The following PLCE1 variants were observed in gnomAD, a reference collection of about 807,000 sequenced individuals.
PLCE1 encodes phospholipase C epsilon 1, also known as 1-phosphatidylinositol 4,5-bisphosphate phosphodiesterase epsilon-1.
Under a neutral mutation model 242.8 loss-of-function variants are expected in PLCE1, and 119 were observed. The ratio of observed to expected loss-of-function variants is 0.49; its 90% CI spans 0.42 to 0.57. The LOEUF (loss-of-function observed/expected upper bound fraction) is 0.57. Among genes scored for constraint, PLCE1 ranks in the 20% least tolerant of loss-of-function variants. The pLI is 0.00. For missense variants in PLCE1, 2,441 were observed against 2,788.8 expected (o/e 0.88, Z 2.81); for synonymous variants, 945 against 1,017.4 (o/e 0.93, Z 1.35).
chr10:94,191,715 A>T (rs1258160631), intron 4 of PLCE1, among the ~76,000 whole-genome samples: 1 of 152,214 alleles, frequency 6.6e-6, no homozygotes, highest in Non-Finnish European at 1.5e-5. Context: ...GATGGTCAAG[A>T]CAGGTACATT....
chr10:94,076,115 TTG>T (rs10571626), intron 2 of PLCE1, among the ~76,000 whole-genome samples: 1 of 150,836 alleles, frequency 6.6e-6, no homozygotes, highest in East Asian at 2.0e-4. Flanking sequence ...GTGTGTGTGT[TTG>T]TGTGTGTGTG....
intron 4 of PLCE1, among the ~76,000 whole-genome samples, chr10:94,180,174 C>T (rs1411343578): frequency 3.3e-5 from 5 of 152,102 alleles, no homozygotes; most frequent in Non-Finnish European, 7.3e-5. Flanking sequence ...GAGGGACCTT[C>T]TTTCCACCAC....
At chr10:94,310,550 G>A (rs2053356291) in intron 27 of PLCE1, among the ~76,000 whole-genome samples, 1 of 152,142 alleles carries the variant, frequency 6.6e-6, no homozygotes, top group Non-Finnish European at 1.5e-5. Flanking sequence ...AGTGGAGGGA[G>A]GTGTGGCTTC....
chr10:94,245,710 C>T (rs546836252), intron 7 of PLCE1, among the ~76,000 whole-genome samples: 1 of 152,320 alleles, frequency 6.6e-6, no homozygotes, highest in African/African-American at 2.4e-5. Flanking sequence ...TGGTCTTGAT[C>T]TACTGGACTC....
chr10:94,083,650 T>C (rs930603421), intron 2 of PLCE1, among the ~76,000 whole-genome samples: 1 of 152,234 alleles, frequency 6.6e-6, no homozygotes, highest in Non-Finnish European at 1.5e-5. Context: ...CTGTTAGGTA[T>C]AGTGTGTGCT....
chr10:94,025,173 G>T (rs1172155448), intron 1 of PLCE1, among the ~76,000 whole-genome samples: 2 of 152,024 alleles, frequency 1.3e-5, no homozygotes, highest in African/African-American at 2.4e-5. Flanking sequence ...AAGAAAGAGG[G>T]GCAGGAAAAG....
chr10:94,148,877 C>T (rs948302321), intron 3 of PLCE1, among the ~76,000 whole-genome samples: 5 of 152,156 alleles, frequency 3.3e-5, no homozygotes, highest in Admixed American at 2.0e-4. Context: ...TTATTCTCTT[C>T]CTTGCTTCTG....
Position 94,298,659 on chromosome 10 carries a change from C to T in PLCE1, c.5448C>T (p.Tyr1816=), listed in dbSNP as rs777991557. The stretch of plus-strand genomic sequence containing the variant: ...GGATACAGCTTGTGGCACTCAACTA[C>T]CAGACTGATGGTAAGGGGCCTGCAT... The part of the protein sequence containing the change: ...LHGIQLVALN[Y]QTDDLPLHLN... Residue 1816 remains tyrosine (Y), a synonymous_variant, in exon 24 of 33, where the codon TAC becomes TAT. Transcript: ENST00000371380. This position sits in a 1 kb window ranked among gnomAD's most constrained non-coding sequence, Gnocchi z 5.2. 4.3e-6 allele frequency: 7 copies of T among 1,613,996 alleles called. No homozygotes were observed. Among genetic ancestry groups the T allele is most frequent in the Non-Finnish European group, 2.5e-6 (3 of 1,180,010 alleles).
At chr10:94,263,311 C>G (rs1160193284) in intron 14 of PLCE1, among the ~76,000 whole-genome samples, 1 of 151,282 alleles carries the variant, frequency 6.6e-6, no homozygotes, top group Admixed American at 6.6e-5. Context: ...ATCAGGAGTT[C>G]AAGACCAGTC....
chr10:94,234,185 A>T lies in PLCE1; in HGVS notation c.2087A>T (p.His696Leu), dbSNP rs375465343. The stretch of plus-strand genomic sequence containing the variant: ...AGAAAGGTGGTGACACGTGCCCTGC[A>T]CATCCCTGGCTGTAAGGTGGTTCCA... ...EYRKVVTRALHIPGCKVVPFC... is the reference protein window; with the variant it reads ...EYRKVVTRALLIPGCKVVPFC... Residue 696 changes from histidine (H) to leucine (L), a missense_variant, in exon 6 of 33, where the codon CAC becomes CTC. Physicochemically the swap from His to Leu is moderately conservative, Grantham distance 99. Around this residue, in one of 5 missense-constraint regions of PLCE1, gnomAD observed 733 missense variants for 754.2 expected, o/e 0.97. Transcript: ENST00000371380. 2 of 1,614,208 alleles carry T rather than the reference A, an allele frequency of 1.2e-6. 1 individual carries two copies. Among genetic ancestry groups the T allele is most frequent in the South Asian group, 2.2e-5 (2 of 91,084 alleles).
Position 94,284,917 on chromosome 10 carries a change from C to T in PLCE1, c.4987C>T (p.Pro1663Ser), listed in dbSNP as rs41291138. 1 of 1,611,628 alleles carries T rather than the reference C, an allele frequency of 6.2e-7. No individual in the cohort carries two copies. Among genetic ancestry groups the T allele is most frequent in the African/African-American group, 1.3e-5 (1 of 74,966 alleles). ...QNKKESRQIA[P>S]ELSDLVIYCQ... Reference sequence around the variant, plus strand: ...TAAAAAGGAAAGCAGACAGATTGCACCAGAGCTTTCTGACCTTGTAATCTA... The same window carrying T: ...TAAAAAGGAAAGCAGACAGATTGCATCAGAGCTTTCTGACCTTGTAATCTA... The change falls in exon 22 of 33, where the codon CCA becomes TCA. Residue 1663 changes from proline (P) to serine (S), a missense_variant. Coordinates refer to ENST00000371380, the MANE Select transcript of PLCE1 (RefSeq NM_016341.4).
intron 1 of PLCE1, among the ~76,000 whole-genome samples, chr10:94,030,361 A>G (rs777477447): frequency 6.7e-6 from 1 of 148,516 alleles, no homozygotes; most frequent in Admixed American, 6.7e-5. Flanking sequence ...TATAGGGCTC[A>G]CTTCTTTTTT....
chr10:94,143,560 C>A (rs1005242010), intron 3 of PLCE1, among the ~76,000 whole-genome samples: 3 of 152,028 alleles, frequency 2.0e-5, no homozygotes, highest in Non-Finnish European at 2.9e-5. Context: ...GGGTCAGTAG[C>A]AAATACTTAA....
At chr10:94,095,320 ATTTCTTTCTTTC>A (rs200671940) in intron 2 of PLCE1, among the ~76,000 whole-genome samples, 17 of 117,532 alleles carry the variant, frequency 1.4e-4, no homozygotes, top group Non-Finnish European at 2.2e-4. Context: ...GGGCCTTTCA[ATTTCTTTCTTTC>A]TTTCTTTCTT....
At chr10:94,048,431 T>C (rs2043660534) in intron 2 of PLCE1, among the ~76,000 whole-genome samples, 1 of 152,054 alleles carries the variant, frequency 6.6e-6, no homozygotes, top group African/African-American at 2.4e-5. Context: ...TCTTTGGATC[T>C]ACACTCTCTC....
chr10:94,265,937 C>T lies in PLCE1; in HGVS notation c.4260C>T (p.Ser1420=), dbSNP rs1171167093. 2 of 1,614,016 alleles carry T rather than the reference C, an allele frequency of 1.2e-6. No homozygotes were observed. Among genetic ancestry groups the T allele is most frequent in the Non-Finnish European group, 1.7e-6 (2 of 1,179,950 alleles). Reference sequence around the variant, plus strand: ...CGGGCCATCAGCTCAAAGGAGAATCCTCGGTAGAACTCTACAGCCAGGTAC... The same window carrying T: ...CGGGCCATCAGCTCAAAGGAGAATCTTCGGTAGAACTCTACAGCCAGGTAC... ...YLTGHQLKGE[S]SVELYSQVLL... is the part of the protein sequence containing the mutation. Residue 1420 remains serine, a synonymous_variant, in exon 16 of 33, where the codon TCC becomes TCT. Coordinates refer to ENST00000371380, the MANE Select transcript of PLCE1 (RefSeq NM_016341.4).
chr10:94,097,490 G>A (rs572537285), intron 2 of PLCE1, among the ~76,000 whole-genome samples: 5 of 152,292 alleles, frequency 3.3e-5, no homozygotes, highest in African/African-American at 9.6e-5. Context: ...CCAGGATGTA[G>A]AGTAGACAGA....
rs117935531 is a variant in PLCE1 at position 94,073,449 on chromosome 10, C to G, written c.1206+41197C>G. Among the ~76,000 whole-genome samples, 71 of 152,178 alleles carry G rather than the reference C, an allele frequency of 4.7e-4. No individual in the cohort carries two copies. In the East Asian group the frequency reaches 0.013, roughly 28 times the overall value. Reference sequence around the variant, plus strand: ...GGGCTTGAGTTAGACCTAGAGGGGTCTGTAGAAGGAGGTCAGACAGGGAAA... The same window carrying G: ...GGGCTTGAGTTAGACCTAGAGGGGTGTGTAGAAGGAGGTCAGACAGGGAAA... On this transcript the variant is annotated intron_variant, in intron 2 of 32. Transcript: ENST00000371380.
intron 2 of PLCE1, among the ~76,000 whole-genome samples, chr10:94,093,034 A>T (rs74151031): frequency 0.01 from 1,545 of 152,290 alleles, 28 homozygotes; most frequent in African/African-American, 0.035. Context: ...CTGAGTTGAC[A>T]AACTGGATAT....
Sources: gnomAD v4.1 joint callset for allele counts (sites outside exome capture counted in the v4.1 genomes callset) on GRCh38, gnomAD v4.1.1 for gene constraint, gnomAD v4.1.1 regional missense constraint, Gnocchi (gnomAD v3.1) non-coding constraint, MANE v1.5 for transcripts, NCBI Gene and HGNC (gene_info 2026-07-23, HGNC 2026-07-21) for gene names.